SLC44A1: variants seen among roughly 807,000 people sequenced by gnomAD.
SLC44A1 encodes the protein solute carrier family 44 member 1, also known as choline transporter-like protein 1.
SLC44A1 carries 26 observed loss-of-function variants against 79.3 expected under a neutral mutation model. The ratio of observed to expected loss-of-function variants is 0.33; its 90% confidence interval spans 0.24 to 0.46. SLC44A1 has a LOEUF of 0.46. Among genes scored for constraint, SLC44A1 ranks in the 20% least tolerant of loss-of-function variants. SLC44A1 has a pLI of 1.00. For synonymous variants in SLC44A1, 263 were observed against 286.2 expected, an observed-to-expected ratio of 0.92 and a Z score of 0.82; for missense variants, 688 against 798.1, an observed-to-expected ratio of 0.86 and a Z score of 1.66.
At chr9:105,365,383 C>T in intron 10 of SLC44A1, 100 bp from the exon 11 acceptor site, 1 of 825,324 alleles carries the variant, frequency 1.2e-6, no homozygotes. Context: ...GAATGATGAG[C>T]TGATTTTTTT....
At chr9:105,419,636 T>C (rs1219638869) in intron 15 of SLC44A1, among the ~76,000 whole-genome samples, 1 of 152,162 alleles carries the variant, frequency 6.6e-6, no homozygotes, top group Non-Finnish European at 1.5e-5. Context: ...TATTTCTAGC[T>C]GGGCGCGGTG....
intron 12 of SLC44A1, among the ~76,000 whole-genome samples, chr9:105,366,790 T>C (rs1262201969): frequency 6.6e-6 from 1 of 152,218 alleles, no homozygotes; most frequent in South Asian, 2.1e-4. Context: ...TTTTAAGTTT[T>C]TCCTAAGAAT....
chr9:105,274,773 T>TTAACCTCACAACTGTTACAG (rs1338544172), intron 1 of SLC44A1, among the ~76,000 whole-genome samples: 4 of 152,232 alleles, frequency 2.6e-5, no homozygotes, highest in African/African-American at 7.2e-5. Flanking sequence ...TATACCGTGG[T>TTAACCTCACAACTGTTACAG]TAACCTCACA....
chr9:105,265,809 C>A (rs1214352873), intron 1 of SLC44A1, among the ~76,000 whole-genome samples: 1 of 152,210 alleles, frequency 6.6e-6, no homozygotes, highest in Admixed American at 6.5e-5. Flanking sequence ...AAATTGTTGG[C>A]ATAGACGTTT....
chr9:105,290,758 A>T (rs1168046470), intron 1 of SLC44A1, among the ~76,000 whole-genome samples: 1 of 152,256 alleles, frequency 6.6e-6, no homozygotes, highest in East Asian at 1.9e-4. Flanking sequence ...TACCTAACTT[A>T]CAAAGCAGCT....
At chr9:105,364,463 T>G in intron 9 of SLC44A1, 92 bp from the exon 10 acceptor site, 1 of 990,588 alleles carries the variant, frequency 1.0e-6, no homozygotes, top group South Asian at 1.7e-5. Context: ...GTTTGTGGCT[T>G]GGGGTAGGGA....
intron 1 of SLC44A1, among the ~76,000 whole-genome samples, chr9:105,258,747 G>A (rs955803732): frequency 6.6e-6 from 1 of 152,148 alleles, no homozygotes; most frequent in East Asian, 1.9e-4. Context: ...GAGTGCAGCG[G>A]CGCAGTCTTG....
At chr9:105,305,268 C>T (rs1437280028) in intron 2 of SLC44A1, among the ~76,000 whole-genome samples, 1 of 151,960 alleles carries the variant, frequency 6.6e-6, no homozygotes, top group Non-Finnish European at 1.5e-5. Flanking sequence ...CTGCTCCTGG[C>T]CTCATTCTTT....
Position 105,364,624 on chromosome 9 carries a change from G to T in SLC44A1, c.1157G>T (p.Trp386Leu), listed in dbSNP as rs779575730. 13 of 1,613,650 alleles carry T rather than the reference G, an allele frequency of 8.1e-6. No individual in the cohort carries two copies. The East Asian group carries it at 2.7e-4, about 33-fold the overall frequency. The change falls in exon 10 of 16, where the codon TGG becomes TTG. Residue 386 changes from tryptophan (W) to leucine (L), a missense_variant. Trp to Leu is a moderately conservative substitution (Grantham distance 61). Transcript: ENST00000374720. ...KISGPLQYMW[W>L]YHVVGLIWIS... Reference sequence around the variant, plus strand: ...TCTGGGCCTCTGCAGTACATGTGGTGGTACCATGTGGTGGGCCTGATTTGG... The same window carrying T: ...TCTGGGCCTCTGCAGTACATGTGGTTGTACCATGTGGTGGGCCTGATTTGG...
rs189188220 is a variant in SLC44A1, at chr9:105,372,365, T to C, written c.1495-2233T>C. 5.7e-3 allele frequency among the ~76,000 whole-genome samples: 865 copies of C among 152,196 alleles called. 24 individuals are homozygous for C. The highest frequency in any genetic ancestry group is 0.053 in the Admixed American group (817 of 15,290). On this transcript the variant is annotated intron_variant, in intron 12 of 15. Transcript: ENST00000374720. The stretch of plus-strand genomic sequence containing the variant: ...GTGCAGTGGCACGATCTCAGCTCAC[T>C]GCAACCTCCACCTCCCTGGTTCACG...
chr9:105,403,088 G>A (rs2131500262), intron 15 of SLC44A1, among the ~76,000 whole-genome samples: 1 of 148,090 alleles, frequency 6.8e-6, no homozygotes, highest in African/African-American at 2.5e-5. Context: ...CCAAAGTGCT[G>A]AGATTACAGG....
At chr9:105,438,147 T>G in intron 15 of SLC44A1, 1 of 670,288 alleles carries the variant, frequency 1.5e-6, no homozygotes, top group South Asian at 1.9e-5. Flanking sequence ...TGTGTGTGTG[T>G]GTGTGTAGCC....
At chr9:105,348,970 A>G (rs749368826) in intron 5 of SLC44A1, among the ~76,000 whole-genome samples, 102 of 152,190 alleles carry the variant, frequency 6.7e-4, no homozygotes, top group Non-Finnish European at 1.1e-3. Context: ...GTCTTCTTCA[A>G]CAAACATTTA....
At chr9:105,412,178 TTAAA>T (rs1332234656) in intron 15 of SLC44A1, among the ~76,000 whole-genome samples, 7 of 152,242 alleles carry the variant, frequency 4.6e-5, no homozygotes, top group Non-Finnish European at 8.8e-5. Flanking sequence ...AATATATATG[TTAAA>T]TAACGTTTTA....
intron 1 of SLC44A1, among the ~76,000 whole-genome samples, chr9:105,290,497 G>A (rs1356380819): frequency 1.3e-5 from 2 of 152,224 alleles, no homozygotes; most frequent in South Asian, 4.1e-4. Flanking sequence ...GGCAAGGCTT[G>A]TCTGTATAAT....
At chr9:105,399,851 G>A (rs1010870238), downstream of SLC44A1, among the ~76,000 whole-genome samples, 1 of 152,172 alleles carries the variant, frequency 6.6e-6, no homozygotes, top group African/African-American at 2.4e-5. Context: ...GTAGGCACTG[G>A]TAGTTAACTG....
intron 15 of SLC44A1, among the ~76,000 whole-genome samples, chr9:105,414,562 A>AC (rs1409577126): frequency 1.3e-5 from 2 of 152,126 alleles, no homozygotes; most frequent in African/African-American, 4.8e-5. Flanking sequence ...TGGATTTACA[A>AC]AGTTAATATT....
intron 1 of SLC44A1, among the ~76,000 whole-genome samples, chr9:105,283,133 C>T (rs537102223): frequency 4.6e-5 from 7 of 152,212 alleles, no homozygotes; most frequent in South Asian, 2.1e-4. Flanking sequence ...CTCTCATGCT[C>T]CTAGGACTTC....
chr9:105,329,227 T>C (rs566377324), intron 3 of SLC44A1, among the ~76,000 whole-genome samples: 60 of 152,210 alleles, frequency 3.9e-4, no homozygotes, highest in Non-Finnish European at 5.0e-4. Context: ...GAGGTAATAA[T>C]TGGGAAAATG....
Sources: allele counts gnomAD v4.1 joint callset (sites outside exome capture counted in the v4.1 genomes callset), GRCh38; gene constraint gnomAD v4.1.1; transcripts MANE v1.5; gene names NCBI Gene and HGNC (gene_info 2026-07-23, HGNC 2026-07-21).